THEMIS: variants seen among roughly 807,000 people sequenced by gnomAD.
The protein encoded by THEMIS is thymocyte selection associated.
A neutral mutation model predicts 52.6 loss-of-function variants in THEMIS; 37 were observed. The observed-to-expected ratio is 0.70, with a 90% CI of 0.54 to 0.93. The LOEUF is 0.93. THEMIS is among the 40% of genes least tolerant of loss of function. The pLI is 0.00. For synonymous variants in THEMIS, 292 were observed against 272.7 expected (o/e 1.07, Z -0.70); for missense variants, 808 against 763.1 (o/e 1.06, Z -0.69).
At chr6:127,867,265 T>C (rs270046) in intron 1 of THEMIS, among the ~76,000 whole-genome samples, 97,195 of 151,776 alleles carry the variant, frequency 0.64, 31,341 homozygotes, top group East Asian at 0.83. Context: ...TATGAACTCA[T>C]CCCCACCAAA....
Position 127,813,877 on chromosome 6 carries a change from A to T in THEMIS, c.764T>A (p.Ile255Asn). 1 of 1,606,442 alleles carries T rather than the reference A, an allele frequency of 6.2e-7. No homozygotes were observed. Among genetic ancestry groups the T allele is most frequent in the Non-Finnish European group, 8.5e-7 (1 of 1,177,618 alleles). ...LPSLDVEVKD[I>N]TDSYDANWFL... Reference sequence around the variant, plus strand: ...CCAGTTAGCATCGTAAGAATCAGTGATGTCTTTGACTTCGACATCTAGACT... The same window carrying T: ...CCAGTTAGCATCGTAAGAATCAGTGTTGTCTTTGACTTCGACATCTAGACT... The change falls in exon 4 of 6, where the codon ATC becomes AAC. Residue 255 changes from isoleucine to asparagine, a missense_variant. Coordinates refer to ENST00000368248, the MANE Select transcript of THEMIS (RefSeq NM_001010923.3).
chr6:127,702,876 C>T, the THEMIS span, among the ~76,000 whole-genome samples: 4 of 151,946 alleles, frequency 2.6e-5, no homozygotes, highest in Non-Finnish European at 5.9e-5. Context: ...TTCACTCTCA[C>T]GAGAACAGCA....
chr6:127,754,361 A>T (rs924338612), intron 4 of THEMIS, among the ~76,000 whole-genome samples: 26 of 152,150 alleles, frequency 1.7e-4, no homozygotes, highest in African/African-American at 5.8e-4. Flanking sequence ...TTATGGTCAA[A>T]TTGTGAAATA....
rs768055257 is a variant in THEMIS at position 127,829,553 on chromosome 6, G to A, written c.632C>T (p.Ser211Leu). The A allele has an allele frequency of 1.9e-6, 3 of 1,613,848 alleles. No individual in the cohort carries two copies. Among genetic ancestry groups the A allele is most frequent in the South Asian group, 2.2e-5 (2 of 91,050 alleles). The change falls in exon 3 of 6, where the codon TCA becomes TTA. Residue 211 changes from serine (S) to leucine (L), a missense_variant. Physicochemically the swap from Ser to Leu is moderately radical, Grantham distance 145. Coordinates refer to ENST00000368248, the MANE Select transcript of THEMIS (RefSeq NM_001010923.3). ...AAAGTCTTTAGGAAATGGATTCGTT[G>A]AGTCCCACTTATTTGAAAAATCTGT... ...NLTDFSNKWD[S>L]TNPFPKDFYG...
chr6:127,913,138 T>C (rs1362296445), intron 1 of THEMIS, among the ~76,000 whole-genome samples: 1 of 152,166 alleles, frequency 6.6e-6, no homozygotes, highest in East Asian at 1.9e-4. Context: ...CATTACGACA[T>C]TGGACATGAA....
chr6:127,739,510 G>A (rs34471518), intron 4 of THEMIS, among the ~76,000 whole-genome samples: 44,821 of 151,958 alleles, frequency 0.29, 8,430 homozygotes, highest in Non-Finnish European at 0.43. Context: ...GTGTGGTGGC[G>A]GGCGCCTGTA....
intron 4 of THEMIS, among the ~76,000 whole-genome samples, chr6:127,773,704 A>G (rs926726212): frequency 7.2e-5 from 11 of 152,216 alleles, no homozygotes; most frequent in African/African-American, 2.7e-4. Context: ...TATATAATCA[A>G]TATAGCAACA....
At chr6:127,900,780 T>C (rs1310738087) in intron 1 of THEMIS, 62 bp downstream of exon 1, 3 of 1,456,194 alleles carry the variant, frequency 2.1e-6, no homozygotes, top group Non-Finnish European at 2.9e-6. Flanking sequence ...CCCCCTCCAA[T>C]TTTCAAAAAT....
intron 4 of THEMIS, among the ~76,000 whole-genome samples, chr6:127,809,443 C>T (rs1015453058): frequency 6.6e-6 from 1 of 152,054 alleles, no homozygotes; most frequent in African/African-American, 2.4e-5. Context: ...CAGATTCCTG[C>T]CTTCATGGTA....
chr6:127,815,303 G>A (rs12214876), intron 3 of THEMIS, among the ~76,000 whole-genome samples: 7,601 of 151,838 alleles, frequency 0.05, 251 homozygotes, highest in African/African-American at 0.073. Flanking sequence ...CCACCCTTCC[G>A]TCATTTTTTT....
chr6:127,756,521 C>A (rs1363996533), intron 4 of THEMIS, among the ~76,000 whole-genome samples: 1 of 151,840 alleles, frequency 6.6e-6, no homozygotes, highest in Non-Finnish European at 1.5e-5. Context: ...TGAACTGAAG[C>A]TTTTTTTTCC....
chr6:127,888,438 A>G (rs1300203619), intron 1 of THEMIS, among the ~76,000 whole-genome samples: 2 of 152,048 alleles, frequency 1.3e-5, no homozygotes, highest in African/African-American at 4.8e-5. Context: ...AAGTTGTGGG[A>G]AATTATGGGG....
At chr6:127,762,581 G>T (rs945200259) in intron 4 of THEMIS, among the ~76,000 whole-genome samples, 2 of 151,918 alleles carry the variant, frequency 1.3e-5, no homozygotes, top group Non-Finnish European at 2.9e-5. Flanking sequence ...TTACTTCAAG[G>T]TCTTTGCATT....
chr6:127,755,438 A>ATT (rs563354359), intron 4 of THEMIS, among the ~76,000 whole-genome samples: 2 of 151,584 alleles, frequency 1.3e-5, no homozygotes, highest in African/African-American at 4.8e-5. Flanking sequence ...CAAAATATAC[A>ATT]TTTTTTTTTA....
chr6:127,722,583 C>T (rs570217773), intron 4 of THEMIS, among the ~76,000 whole-genome samples: 11 of 152,022 alleles, frequency 7.2e-5, no homozygotes, highest in Middle Eastern at 3.4e-3. Context: ...CTTACCCTGA[C>T]GAAAATCTCA....
intron 1 of THEMIS, among the ~76,000 whole-genome samples, chr6:127,878,240 C>CT (rs1420188709): frequency 2.0e-5 from 3 of 152,130 alleles, no homozygotes; most frequent in Non-Finnish European, 4.4e-5. Context: ...AACATGGGCC[C>CT]TATGCTCTAC....
At chr6:127,820,135 C>A (rs960593053) in intron 3 of THEMIS, among the ~76,000 whole-genome samples, 1 of 151,480 alleles carries the variant, frequency 6.6e-6, no homozygotes, top group Non-Finnish European at 1.5e-5. Context: ...AGGGTAACAA[C>A]TAAAAATGTT....
At chr6:127,758,134 A>T (rs1163194834) in intron 4 of THEMIS, among the ~76,000 whole-genome samples, 1 of 151,150 alleles carries the variant, frequency 6.6e-6, no homozygotes, top group Non-Finnish European at 1.5e-5. Context: ...AAATTAACAG[A>T]TTACAAAAAT....
At chr6:127,892,928 GA>G (rs1780854960) in intron 1 of THEMIS, among the ~76,000 whole-genome samples, 1 of 152,030 alleles carries the variant, frequency 6.6e-6, no homozygotes, top group Non-Finnish European at 1.5e-5. Flanking sequence ...TATGGTATGT[GA>G]ACTGCCTTTT....
Sources: allele counts gnomAD v4.1 joint callset (sites outside exome capture counted in the v4.1 genomes callset), GRCh38; gene constraint gnomAD v4.1.1; transcripts MANE v1.5; gene names NCBI Gene and HGNC (gene_info 2026-07-23, HGNC 2026-07-21).